TES: variants seen among roughly 807,000 people sequenced by gnomAD.
TES encodes testin LIM domain protein.
TES carries 41 observed loss-of-function variants against 48.2 expected under a neutral mutation model. The observed-to-expected ratio is 0.85, with a 90% CI of 0.66 to 1.10. The LOEUF is 1.10. Among genes scored for constraint, TES ranks in the 50% least tolerant of loss-of-function variants. TES has a pLI of 0.00. For synonymous variants in TES, 162 were observed against 174.9 expected, an observed-to-expected ratio of 0.93 and a Z score of 0.58; for missense variants, 463 against 515.1, an observed-to-expected ratio of 0.90 and a Z score of 0.98.
Position 116,257,238 on chromosome 7 carries a change from A to G in TES, c.1078-56A>G. Reference sequence around the variant, plus strand: ...TAAAGAAATATGTCCTAAGATGAAAATGTTACCATTACAGCTTGATCTCTC... The same window carrying G: ...TAAAGAAATATGTCCTAAGATGAAAGTGTTACCATTACAGCTTGATCTCTC... On this transcript the variant is annotated intron_variant, in intron 6 of 6. Transcript: ENST00000358204. The G allele has an allele frequency of 2.7e-6, 4 of 1,469,064 alleles. No homozygotes were observed. In the Admixed American group the frequency reaches 8.8e-5, roughly 32 times the overall value. 91.0% of individuals were successfully genotyped at this position (1,469,064 alleles called of 1,614,324 possible).
chr7:116,234,934 T>C (rs1233010912), intron 2 of TES, among the ~76,000 whole-genome samples: 3 of 151,642 alleles, frequency 2.0e-5, no homozygotes, highest in African/African-American at 7.3e-5. Context: ...TCCAGGACTG[T>C]TTAATAATTT....
At chr7:116,230,694 C>G (rs1584616345) in intron 1 of TES, among the ~76,000 whole-genome samples, 1 of 152,290 alleles carries the variant, frequency 6.6e-6, no homozygotes, top group South Asian at 2.1e-4. Flanking sequence ...TAGTTTCTTC[C>G]TTGGGAAAAT....
intron 2 of TES, among the ~76,000 whole-genome samples, chr7:116,241,896 T>C (rs1203645656): frequency 6.6e-6 from 1 of 152,176 alleles, no homozygotes; most frequent in East Asian, 1.9e-4. Context: ...AATTTAACTC[T>C]TTATATTTAA....
Position 116,212,432 on chromosome 7 carries a change from C to T in TES, c.27+1698C>T, listed in dbSNP as rs1275402546. 2.6e-5 allele frequency among the ~76,000 whole-genome samples: 4 copies of T among 152,248 alleles called. No individual in the cohort carries two copies. The East Asian group carries it at 7.7e-4, about 29-fold the overall frequency. On this transcript the variant is annotated intron_variant, in intron 1 of 6. Coordinates refer to ENST00000358204, the MANE Select transcript of TES (RefSeq NM_015641.4). ...ATAATGATGTGTCAATGTGTTTCAT[C>T]ACTTGTAACAAATGTACTGCACTGA...
chr7:116,231,179 C>G (rs896063210), intron 1 of TES, among the ~76,000 whole-genome samples: 2 of 152,132 alleles, frequency 1.3e-5, no homozygotes, highest in African/African-American at 4.8e-5. Context: ...CAAATTATCC[C>G]TCCTCTCTGG....
At chr7:116,228,898 C>T (rs937506371) in intron 1 of TES, among the ~76,000 whole-genome samples, 2 of 150,944 alleles carry the variant, frequency 1.3e-5, no homozygotes, top group African/African-American at 2.4e-5. Flanking sequence ...TCCCTGAACA[C>T]GCCAGTGACA....
intron 1 of TES, among the ~76,000 whole-genome samples, chr7:116,221,931 C>T (rs1799562528): frequency 6.6e-6 from 1 of 152,116 alleles, no homozygotes; most frequent in Admixed American, 6.6e-5. Flanking sequence ...GATGTCTGTG[C>T]ACCTTCTTTA....
intron 1 of TES, among the ~76,000 whole-genome samples, chr7:116,213,498 T>C (rs1382393272): frequency 6.6e-6 from 1 of 152,248 alleles, no homozygotes; most frequent in African/African-American, 2.4e-5. Context: ...AGGAGGACTG[T>C]CTTTATTAAA....
intron 1 of TES, among the ~76,000 whole-genome samples, chr7:116,228,033 A>G (rs1480232372): frequency 7.0e-6 from 1 of 142,084 alleles, no homozygotes; most frequent in African/African-American, 2.7e-5. Context: ...TTTTTTTTTA[A>G]GTATCTGACA....
intron 2 of TES, chr7:116,238,244 A>G (rs1397744685): frequency 6.6e-6 from 1 of 152,228 alleles, no homozygotes; most frequent in Non-Finnish European, 1.5e-5. Flanking sequence ...CTTCTGGGAA[A>G]TAGCACAGAG....
chr7:116,210,564 T>A lies in TES; in HGVS notation c.-144T>A. On this transcript the variant is annotated 5_prime_UTR_variant, in exon 1 of 7. Coordinates refer to ENST00000358204, the MANE Select transcript of TES (RefSeq NM_015641.4). ...GCTGCGGCGGACTGGGCGGCGGAAGTTCGACGGCGCCGGGCGAGTGGCTGT... is the reference window on the plus strand; with the variant it reads ...GCTGCGGCGGACTGGGCGGCGGAAGATCGACGGCGCCGGGCGAGTGGCTGT... 1.1e-6 allele frequency: 1 copy of A among 942,546 alleles called. No homozygotes were observed. The highest frequency in any genetic ancestry group is 1.4e-6 in the Non-Finnish European group (1 of 712,956). The allele number at this position is 942,546 out of a possible 1,614,324, so 58.4% of individuals were successfully genotyped here.
chr7:116,251,932 A>T lies in TES; in HGVS notation c.875A>T (p.His292Leu), dbSNP rs1243577877. The part of the protein sequence containing the change: ...WKNEKLYCGR[H>L]YCDSEKPRCA... ...AATGAGAAGCTATACTGTGGCAGAC[A>T]TTACTGTGACAGCGAGAAACCCCGA... Residue 292 changes from histidine (H) to leucine (L), a missense_variant, in exon 5 of 7, where the codon CAT becomes CTT. Physicochemically the swap from His to Leu is moderately conservative, Grantham distance 99. Coordinates refer to ENST00000358204, the MANE Select transcript of TES (RefSeq NM_015641.4). 1 of 1,614,190 alleles carries T rather than the reference A, an allele frequency of 6.2e-7. No homozygotes were observed. Among genetic ancestry groups the T allele is most frequent in the Non-Finnish European group, 8.5e-7 (1 of 1,180,034 alleles).
intron 1 of TES, among the ~76,000 whole-genome samples, chr7:116,212,197 C>A (rs757465630): frequency 3.3e-5 from 5 of 152,110 alleles, no homozygotes; most frequent in African/African-American, 4.8e-5. Context: ...CTTGTCCTTG[C>A]TTTTAAGTAT....
intron 2 of TES, among the ~76,000 whole-genome samples, chr7:116,247,204 G>T (rs117227036): frequency 0.013 from 1,903 of 151,924 alleles, 16 homozygotes; most frequent in Middle Eastern, 0.02. Context: ...GAGGGCAAAA[G>T]AAATTGAGAA....
chr7:116,220,794 C>G (rs889452147), intron 1 of TES, among the ~76,000 whole-genome samples: 1 of 152,128 alleles, frequency 6.6e-6, no homozygotes, highest in South Asian at 2.1e-4. Context: ...CTACTTAGCC[C>G]TGTAAACCTT....
intron 2 of TES, among the ~76,000 whole-genome samples, chr7:116,236,168 A>G (rs1389197197): frequency 6.6e-6 from 1 of 152,354 alleles, no homozygotes; most frequent in Non-Finnish European, 1.5e-5. Flanking sequence ...TAATGCTCAC[A>G]CTATTTTCTA....
intron 1 of TES, among the ~76,000 whole-genome samples, chr7:116,229,487 T>TA (rs1799669563): frequency 6.6e-6 from 1 of 152,082 alleles, no homozygotes; most frequent in Admixed American, 6.5e-5. Context: ...GAGAAGCCCT[T>TA]AGAGTAGATG....
At position 116,257,573 on chromosome 7, in the gene TES, A is replaced by C. The variant is rs997032215; in HGVS notation, c.*91A>C. On this transcript the variant is annotated 3_prime_UTR_variant, in exon 7 of 7. Coordinates refer to ENST00000358204, the MANE Select transcript of TES (RefSeq NM_015641.4). ...GCAATTTGAAAAAAATAAAACGCAA[A>C]AAAAGAAACTGTAAAGGAAACCAAG... The C allele has an allele frequency of 8.7e-7, 1 of 1,151,128 alleles. No individual in the cohort carries two copies. 71.3% of individuals were successfully genotyped at this position (1,151,128 alleles called of 1,614,324 possible). A position where few individuals can be genotyped will look rare whatever the true frequency, so the allele number is the denominator to read the frequency against.
At chr7:116,228,452 T>C (rs1329649101) in intron 1 of TES, among the ~76,000 whole-genome samples, 1 of 152,218 alleles carries the variant, frequency 6.6e-6, no homozygotes, top group Non-Finnish European at 1.5e-5. Flanking sequence ...ACTAAAATTA[T>C]ATGAAGTAGA....
Sources: gnomAD v4.1 joint callset for allele counts (sites outside exome capture counted in the v4.1 genomes callset) on GRCh38, gnomAD v4.1.1 for gene constraint, MANE v1.5 for transcripts, NCBI Gene and HGNC (gene_info 2026-07-23, HGNC 2026-07-21) for gene names.